The following SDK1 variants were observed in gnomAD, a reference collection of about 807,000 sequenced individuals.
SDK1 encodes the protein protein sidekick-1.
SDK1 carries 157 observed loss-of-function variants against 245.5 expected under a neutral mutation model. The observed-to-expected ratio is 0.64, with a 90% CI of 0.56 to 0.73. The LOEUF is 0.73. Among genes scored for constraint, SDK1 ranks in the 30% least tolerant of loss-of-function variants. The probability of loss-of-function intolerance (pLI) is 0.00; values close to 1 mark genes in which losing one functional copy is unlikely to be tolerated. For synonymous variants in SDK1, 1,647 were observed against 1,278.5 expected (o/e 1.29, Z -6.15); for missense variants, 3,583 against 3,002.3 (o/e 1.19, Z -4.52).
intron 1 of SDK1, among the ~76,000 whole-genome samples, chr7:3,500,969 T>G (rs925902479): frequency 3.9e-4 from 60 of 152,170 alleles, no homozygotes; most frequent in African/African-American, 1.4e-3. Flanking sequence ...TTTTAATATC[T>G]GATAATTTTA....
chr7:4,008,765 A>G (rs2128147974), intron 14 of SDK1, among the ~76,000 whole-genome samples: 1 of 152,364 alleles, frequency 6.6e-6, no homozygotes, highest in African/African-American at 2.4e-5. Flanking sequence ...ATTAAAGAAT[A>G]AAAGATTGAT....
intron 1 of SDK1, among the ~76,000 whole-genome samples, chr7:3,565,100 T>G (rs1004796628): frequency 6.6e-6 from 1 of 151,906 alleles, no homozygotes; most frequent in Non-Finnish European, 1.5e-5. Flanking sequence ...ACTGTCACTT[T>G]TATTACTTTT....
chr7:3,995,303 C>T (rs1228836056), intron 14 of SDK1, among the ~76,000 whole-genome samples: 3 of 152,216 alleles, frequency 2.0e-5, no homozygotes, highest in East Asian at 1.9e-4. Context: ...TCTTACTCAG[C>T]ATCTCCTTTT....
Position 3,950,762 on chromosome 7 carries a change from G to A in SDK1, c.848-161G>A, listed in dbSNP as rs180841983. ...CCATCATAAAGTTGAAAAGCCCTGC[G>A]TGGAGCCATCATACATCAGGGACAA... On this transcript the variant is annotated intron_variant, in intron 5 of 44. Coordinates refer to ENST00000404826, the MANE Select transcript of SDK1 (RefSeq NM_152744.4). 5.0e-4 allele frequency among the ~76,000 whole-genome samples: 76 copies of A among 152,254 alleles called. No individual in the cohort carries two copies. The East Asian group carries it at 0.013, about 26-fold the overall frequency.
At chr7:4,212,080 T>C (rs1487468054) in intron 38 of SDK1, among the ~76,000 whole-genome samples, 1 of 152,192 alleles carries the variant, frequency 6.6e-6, no homozygotes, top group Non-Finnish European at 1.5e-5. Flanking sequence ...CCCCCTGTAA[T>C]ATACACAGAC....
intron 4 of SDK1, among the ~76,000 whole-genome samples, chr7:3,714,855 G>T (rs1431382700): frequency 6.6e-6 from 1 of 152,138 alleles, no homozygotes; most frequent in African/African-American, 2.4e-5. Flanking sequence ...TTCTAATTAA[G>T]TGCAAATTAC....
chr7:3,558,364 C>A (rs1410025895), intron 1 of SDK1, among the ~76,000 whole-genome samples: 1 of 152,258 alleles, frequency 6.6e-6, no homozygotes, highest in Non-Finnish European at 1.5e-5. Context: ...TTGGCACATA[C>A]TGCCTGCAGT....
chr7:3,933,471 G>C (rs370866608), intron 5 of SDK1, among the ~76,000 whole-genome samples: 1 of 152,038 alleles, frequency 6.6e-6, no homozygotes, highest in Admixed American at 6.5e-5. Context: ...TGGAATGAAC[G>C]CTATCAAAGG....
chr7:3,659,423 T>A (rs569643859), intron 4 of SDK1, among the ~76,000 whole-genome samples: 3 of 152,098 alleles, frequency 2.0e-5, no homozygotes, highest in Admixed American at 1.3e-4. Context: ...ATACCAAAAT[T>A]TGAAGAAAGG....
chr7:3,806,693 A>C (rs1459581106), intron 4 of SDK1, among the ~76,000 whole-genome samples: 1 of 152,104 alleles, frequency 6.6e-6, no homozygotes, highest in Non-Finnish European at 1.5e-5. Context: ...CTATGAAACC[A>C]CGTTGCAGTT....
chr7:3,704,364 T>TG (rs1298410866), intron 4 of SDK1, among the ~76,000 whole-genome samples: 1 of 88,334 alleles, frequency 1.1e-5, no homozygotes, highest in African/African-American at 5.9e-5. Context: ...CCAATATCGA[T>TG]TTTTTTTTTT....
At chr7:3,365,700 G>A (rs1489140225) in intron 1 of SDK1, among the ~76,000 whole-genome samples, 1 of 152,072 alleles carries the variant, frequency 6.6e-6, no homozygotes, top group East Asian at 1.9e-4. Flanking sequence ...TACTGCTGAG[G>A]ATGTAGAGAC....
chr7:3,655,485 A>ATGTATG (rs1443267233), intron 4 of SDK1, among the ~76,000 whole-genome samples: 1 of 67,810 alleles, frequency 1.5e-5, no homozygotes, highest in African/African-American at 4.7e-5. Context: ...ATATATATAT[A>ATGTATG]TATATATATA....
intron 1 of SDK1, among the ~76,000 whole-genome samples, chr7:3,611,384 C>T (rs555685323): frequency 2.6e-5 from 4 of 152,192 alleles, no homozygotes; most frequent in East Asian, 3.9e-4. Flanking sequence ...CCTCTTGCAC[C>T]GCCGCCTCTA....
At chr7:3,799,662 G>A (rs1034050955) in intron 4 of SDK1, among the ~76,000 whole-genome samples, 2 of 136,716 alleles carry the variant, frequency 1.5e-5, no homozygotes, top group Non-Finnish European at 1.5e-5. Context: ...CCAAAATCGC[G>A]CCACTGCACT....
intron 14 of SDK1, among the ~76,000 whole-genome samples, chr7:4,006,850 A>G (rs1313094362): frequency 1.3e-5 from 2 of 152,190 alleles, no homozygotes; most frequent in Non-Finnish European, 2.9e-5. Context: ...GACTTTCAGG[A>G]GCTGTTTACA....
intron 35 of SDK1, among the ~76,000 whole-genome samples, chr7:4,192,748 C>T (rs147095514): frequency 6.6e-6 from 1 of 151,958 alleles, no homozygotes; most frequent in African/African-American, 2.4e-5. Flanking sequence ...TCTCCAAGAC[C>T]CGCCCGTGTC....
At chr7:3,591,281 C>T (rs1437070576) in intron 1 of SDK1, among the ~76,000 whole-genome samples, 3 of 152,110 alleles carry the variant, frequency 2.0e-5, no homozygotes, top group African/African-American at 7.2e-5. Flanking sequence ...AGTGCCAGGA[C>T]CTAAGTTTTT....
chr7:4,007,352 G>A (rs971409388), intron 14 of SDK1, among the ~76,000 whole-genome samples: 5 of 152,196 alleles, frequency 3.3e-5, no homozygotes, highest in African/African-American at 1.2e-4. Flanking sequence ...TGGAAAAGAG[G>A]GGGACCCAGG....
Sources: allele counts gnomAD v4.1 joint callset (sites outside exome capture counted in the v4.1 genomes callset), GRCh38; gene constraint gnomAD v4.1.1; transcripts MANE v1.5; gene names NCBI Gene and HGNC (gene_info 2026-07-23, HGNC 2026-07-21).